CNTN5: variants seen among roughly 807,000 people sequenced by gnomAD.
The protein encoded by CNTN5 is contactin-5.
Under a neutral mutation model 129.1 loss-of-function variants are expected in CNTN5, and 77 were observed. That is an observed-to-expected ratio of 0.60 (90% confidence interval 0.50 to 0.72). The LOEUF (loss-of-function observed/expected upper bound fraction) is 0.72. Ranked by LOEUF, CNTN5 falls within the 30% of genes least tolerant of loss-of-function variation. The pLI, the probability that CNTN5 is intolerant of heterozygous loss-of-function variation, is 0.00. For synonymous variants in CNTN5, 509 were observed against 465.6 expected (o/e 1.09, Z -1.20); for missense variants, 1,478 against 1,328.8 (o/e 1.11, Z -1.75).
intron 13 of CNTN5, among the ~76,000 whole-genome samples, chr11:100,178,080 C>T (rs980418964): frequency 3.9e-5 from 6 of 152,068 alleles, no homozygotes; most frequent in African/African-American, 1.4e-4. Context: ...TTCTCTGGAT[C>T]ATGAACCCTT....
chr11:99,427,400 C>G (rs1259322937), intron 2 of CNTN5, among the ~76,000 whole-genome samples: 1 of 152,136 alleles, frequency 6.6e-6, no homozygotes, highest in East Asian at 1.9e-4. Flanking sequence ...GTTATTATCT[C>G]AGGCCTTCTC....
At chr11:100,041,988 A>G (rs1942404254) in intron 9 of CNTN5, among the ~76,000 whole-genome samples, 1 of 152,192 alleles carries the variant, frequency 6.6e-6, no homozygotes, top group Non-Finnish European at 1.5e-5. Flanking sequence ...AGTTAGATGC[A>G]GTTAATTTAT....
intron 2 of CNTN5, among the ~76,000 whole-genome samples, chr11:99,540,935 A>G (rs1305853009): frequency 1.3e-5 from 2 of 152,096 alleles, no homozygotes; most frequent in Admixed American, 6.5e-5. Context: ...TGTATTCTGT[A>G]GCCCAATGAC....
At chr11:99,124,805 T>C (rs530659018) in intron 1 of CNTN5, among the ~76,000 whole-genome samples, 11 of 151,756 alleles carry the variant, frequency 7.2e-5, no homozygotes, top group Non-Finnish European at 1.6e-4. Flanking sequence ...CCCAAATAAA[T>C]ACAAAAATTT....
intron 18 of CNTN5, among the ~76,000 whole-genome samples, chr11:100,283,082 C>A (rs904293274): frequency 6.6e-6 from 1 of 151,942 alleles, no homozygotes; most frequent in Admixed American, 6.6e-5. Context: ...CTCTACACCT[C>A]TGTGGCTGAG....
At chr11:99,420,246 T>C (rs188789305) in intron 2 of CNTN5, among the ~76,000 whole-genome samples, 1 of 152,252 alleles carries the variant, frequency 6.6e-6, no homozygotes, top group African/African-American at 2.4e-5. Flanking sequence ...GAAAGGAAAT[T>C]ACTTCAAAGA....
intron 16 of CNTN5, among the ~76,000 whole-genome samples, chr11:100,237,019 C>T (rs1488643175): frequency 6.6e-6 from 1 of 151,764 alleles, no homozygotes; most frequent in African/African-American, 2.4e-5. Context: ...GAAACCCCGT[C>T]TCTACTAAAA....
At chr11:99,237,505 A>G (rs1861337508) in intron 1 of CNTN5, among the ~76,000 whole-genome samples, 3 of 152,100 alleles carry the variant, frequency 2.0e-5, no homozygotes, top group Non-Finnish European at 4.4e-5. Context: ...ACATAGTGGA[A>G]CCCTGTCTCT....
chr11:99,958,988 C>T (rs1472703237), intron 8 of CNTN5, among the ~76,000 whole-genome samples: 1 of 152,164 alleles, frequency 6.6e-6, no homozygotes, highest in East Asian at 1.9e-4. Flanking sequence ...GTGTTTTGCA[C>T]TTTTGGTTCA....
At chr11:99,992,619 C>T (rs1315525174) in intron 8 of CNTN5, among the ~76,000 whole-genome samples, 1 of 152,170 alleles carries the variant, frequency 6.6e-6, no homozygotes, top group Non-Finnish European at 1.5e-5. Flanking sequence ...TAGAGTTGAA[C>T]TCTGTTGCCT....
chr11:99,960,058 C>T (rs1173354128), intron 8 of CNTN5, among the ~76,000 whole-genome samples: 3 of 152,120 alleles, frequency 2.0e-5, no homozygotes, highest in Non-Finnish European at 4.4e-5. Context: ...TCTAACTTCC[C>T]TTTTTTGTTG....
intron 18 of CNTN5, among the ~76,000 whole-genome samples, chr11:100,287,674 C>T (rs571804232): frequency 3.3e-4 from 50 of 152,108 alleles, no homozygotes; most frequent in African/African-American, 1.1e-3. Context: ...TAAAGACCTT[C>T]GAGACTAGGA....
In CNTN5 at chr11:100,177,502, A is replaced by G. The variant is rs533989451; in HGVS notation, c.1581-13624A>G. 9.2e-5 allele frequency among the ~76,000 whole-genome samples: 14 copies of G among 152,242 alleles called. 1 individual carries two copies. Among genetic ancestry groups the G allele is most frequent in the African/African-American group, 3.4e-4 (14 of 41,560 alleles). ...AGAAACTACTCAATGTGTAGTTTCT[A>G]TAGTAGTAGTTGATGAATCTGACTG... On this transcript the variant is annotated intron_variant, in intron 13 of 24. Coordinates refer to ENST00000524871, the MANE Select transcript of CNTN5 (RefSeq NM_014361.4).
chr11:99,027,053 C>T (rs751363891), intron 1 of CNTN5, among the ~76,000 whole-genome samples: 8 of 151,192 alleles, frequency 5.3e-5, no homozygotes, highest in Non-Finnish European at 1.0e-4. Context: ...AACTTTTTCA[C>T]AATGAACTTG....
intron 2 of CNTN5, among the ~76,000 whole-genome samples, chr11:99,401,483 A>G (rs112826166): frequency 0.028 from 4,276 of 152,150 alleles, 191 homozygotes; most frequent in African/African-American, 0.097. Context: ...TTTGGTTACT[A>G]TACCTCTGTA....
chr11:99,908,807 G>C (rs1358275357), intron 6 of CNTN5, among the ~76,000 whole-genome samples: 5 of 152,058 alleles, frequency 3.3e-5, no homozygotes, highest in African/African-American at 9.7e-5. Flanking sequence ...GCAATTTACT[G>C]TTTCACTTAT....
intron 6 of CNTN5, among the ~76,000 whole-genome samples, chr11:99,846,171 C>G (rs1947690544): frequency 7.2e-6 from 1 of 139,796 alleles, no homozygotes; most frequent in African/African-American, 2.7e-5. Context: ...CGAATATAAA[C>G]ATTTCTAAAG....
intron 21 of CNTN5, among the ~76,000 whole-genome samples, chr11:100,322,345 C>T (rs550392076): frequency 6.6e-6 from 1 of 152,164 alleles, no homozygotes; most frequent in South Asian, 2.1e-4. Context: ...GCCTCAGCCT[C>T]CCGAATAGCT....
intron 2 of CNTN5, among the ~76,000 whole-genome samples, chr11:99,355,309 AT>A (rs1324253897): frequency 6.6e-6 from 1 of 152,212 alleles, no homozygotes; most frequent in African/African-American, 2.4e-5. Context: ...TATAGAACAT[AT>A]GTCCTCGAAT....
Sources: gnomAD v4.1 joint callset for allele counts (sites outside exome capture counted in the v4.1 genomes callset) on GRCh38, gnomAD v4.1.1 for gene constraint, MANE v1.5 for transcripts, NCBI Gene and HGNC (gene_info 2026-07-23, HGNC 2026-07-21) for gene names.